Variants in TTLL2 observed in about 807,000 individuals in gnomAD.
TTLL2 encodes the protein probable tubulin polyglutamylase TTLL2.
A neutral mutation model predicts 7.5 loss-of-function variants in TTLL2; 10 were observed. That is an observed-to-expected ratio of 1.33 (90% CI 0.82 to 2.25). The LOEUF (loss-of-function observed/expected upper bound fraction) is 2.25, where lower values mean the gene tolerates loss of function less well. Ranked by LOEUF, TTLL2 falls within the 30% of genes most tolerant of loss-of-function variation. The probability of loss-of-function intolerance (pLI) is 0.00; values close to 1 mark genes in which losing one functional copy is unlikely to be tolerated. For synonymous variants in TTLL2, 284 were observed against 280.3 expected, an observed-to-expected ratio of 1.01 and a Z score of -0.13; for missense variants, 733 against 735.7, an observed-to-expected ratio of 1.00 and a Z score of 0.04.
chr6:167,329,004 C>A (rs147242937), intron 1 of TTLL2, among the ~76,000 whole-genome samples: 25 of 152,194 alleles, frequency 1.6e-4, no homozygotes, highest in African/African-American at 5.5e-4. Context: ...TCTGACTGCA[C>A]TCTCCTAGGA....
At chr6:167,336,200 G>C (rs1298832852) in intron 1 of TTLL2, among the ~76,000 whole-genome samples, 1 of 151,960 alleles carries the variant, frequency 6.6e-6, no homozygotes, top group East Asian at 1.9e-4. Flanking sequence ...GGTTCTGCTT[G>C]TAATTTTATG....
intron 1 of TTLL2, among the ~76,000 whole-genome samples, chr6:167,332,169 T>C (rs2115213598): frequency 1.3e-5 from 2 of 152,164 alleles, no homozygotes; most frequent in South Asian, 2.1e-4. Context: ...TGAGAATTCA[T>C]GGAGAGAAAA....
intron 1 of TTLL2, among the ~76,000 whole-genome samples, chr6:167,325,987 G>T (rs2115205587): frequency 6.6e-6 from 1 of 152,292 alleles, no homozygotes; most frequent in East Asian, 1.9e-4. Context: ...GTGCCTGCCG[G>T]CCTGTAGCCT....
At position 167,341,431 on chromosome 6, in the gene TTLL2, T is replaced by A. The variant is rs1056229529; in HGVS notation, c.1531T>A (p.Leu511Ile). 8 of 1,613,954 alleles carry A rather than the reference T, an allele frequency of 5.0e-6. No individual in the cohort carries two copies. The East Asian group carries it at 1.8e-4, about 36-fold the overall frequency. ...GGAGATGCCACAAAGCAAGCCCAAGTTACGGAGCAGGCACACGCCTCACAA... is the reference window on the plus strand; with the variant it reads ...GGAGATGCCACAAAGCAAGCCCAAGATACGGAGCAGGCACACGCCTCACAA... The part of the protein sequence containing the change: ...TREMPQSKPK[L>I]RSRHTPHKTL... The change falls in exon 3 of 3, where the codon TTA becomes ATA. Residue 511 changes from leucine to isoleucine, a missense_variant. Physicochemically the swap from Leu to Ile is conservative, Grantham distance 5. Transcript: ENST00000239587.
chr6:167,342,116 T>C lies in TTLL2; in HGVS notation c.*437T>C, dbSNP rs1779105979. Among the ~76,000 whole-genome samples, 1 of 152,244 alleles carries C rather than the reference T, an allele frequency of 6.6e-6. No individual in the cohort carries two copies. The highest frequency in any genetic ancestry group is 2.1e-4 in the South Asian group (1 of 4,832). Reference sequence around the variant, plus strand: ...AACCAGTTATTTGTTAAAATTATTTTGTTAACTTAAGATCAGACAATCATT... The same window carrying C: ...AACCAGTTATTTGTTAAAATTATTTCGTTAACTTAAGATCAGACAATCATT... On this transcript the variant is annotated 3_prime_UTR_variant, in exon 3 of 3. Transcript: ENST00000239587.
At chr6:167,338,832 C>CTTCT (rs771488642) in intron 2 of TTLL2, 29 bp downstream of exon 2, 1 of 1,350,366 alleles carries the variant, frequency 7.4e-7, no homozygotes, top group South Asian at 1.5e-5. Flanking sequence ...TAGTTCCTTC[C>CTTCT]TTCCTTCCTT....
chr6:167,329,351 C>A (rs1238526049), intron 1 of TTLL2, among the ~76,000 whole-genome samples: 3 of 152,100 alleles, frequency 2.0e-5, no homozygotes, highest in Non-Finnish European at 4.4e-5. Context: ...TCACTGAGGC[C>A]CTGAAAACCC....
intron 2 of TTLL2, among the ~76,000 whole-genome samples, 176 bp from the exon 3 acceptor site, chr6:167,339,929 A>G (rs532197465): frequency 6.6e-6 from 1 of 152,284 alleles, no homozygotes; most frequent in South Asian, 2.1e-4. Context: ...TTATTCTAAT[A>G]AAGGGAGCAG....
At position 167,340,868 on chromosome 6, in the gene TTLL2, C is replaced by A. The variant is rs200878719; in HGVS notation, c.968C>A (p.Thr323Lys). 7.4e-6 allele frequency: 12 copies of A among 1,614,012 alleles called. No homozygotes were observed. In the African/African-American group the frequency reaches 1.5e-4, roughly 20 times the overall value. The change falls in exon 3 of 3, where the codon ACG becomes AAG. Residue 323 changes from threonine (T) to lysine (K), a missense_variant. Transcript: ENST00000239587. ...GTGATTGGTCATGGTTGTAAATGGA[C>A]GCTCAGCAGATTTTTTTCCTACCTT... ...KEVIGHGCKW[T>K]LSRFFSYLRS...
rs1685550499 is a variant in TTLL2, at chr6:167,341,415, A to G, written c.1515A>G (p.Pro505=). 3 of 1,614,022 alleles carry G rather than the reference A, an allele frequency of 1.9e-6. No homozygotes were observed. Among genetic ancestry groups the G allele is most frequent in the Non-Finnish European group, 2.5e-6 (3 of 1,180,022 alleles). ...QDFHLSTREM[P]QSKPKLRSRH... ...TTCATCTGTCAACAAGGGAGATGCCACAAAGCAAGCCCAAGTTACGGAGCA... is the reference window on the plus strand; with the variant it reads ...TTCATCTGTCAACAAGGGAGATGCCGCAAAGCAAGCCCAAGTTACGGAGCA... The change falls in exon 3 of 3, where the codon CCA becomes CCG. Residue 505 remains proline, a synonymous_variant. Transcript: ENST00000239587.
Position 167,340,540 on chromosome 6 carries a change from G to A in TTLL2, c.640G>A (p.Ala214Thr), listed in dbSNP as rs201955866. Residue 214 changes from alanine (A) to threonine (T), a missense_variant, in exon 3 of 3, where the codon GCT becomes ACT. Physicochemically the swap from Ala to Thr is moderately conservative, Grantham distance 58. Coordinates refer to ENST00000239587, the MANE Select transcript of TTLL2 (RefSeq NM_031949.5). ...GCATAGCTATTGGATTTGCAAGCCT[G>A]CTGAGTTATCTCGTGGGAGGGGGAT... ...TKHSYWICKP[A>T]ELSRGRGILI... 6.2e-7 allele frequency: 1 copy of A among 1,614,192 alleles called. No homozygotes were observed. The highest frequency in any genetic ancestry group is 1.1e-5 in the South Asian group (1 of 91,076).
chr6:167,338,836 C>CTTCCTTCT (rs1779029776), intron 2 of TTLL2, 33 bp downstream of exon 2: 1 of 1,378,520 alleles, frequency 7.3e-7, no homozygotes, highest in Admixed American at 2.5e-5. Flanking sequence ...TCCTTCCTTC[C>CTTCCTTCT]TTCCTTCCTT....
chr6:167,329,345 T>C (rs1021553413), intron 1 of TTLL2, among the ~76,000 whole-genome samples: 5 of 152,162 alleles, frequency 3.3e-5, no homozygotes, highest in African/African-American at 1.2e-4. Context: ...AAACCCTCAC[T>C]GAGGCCCTGA....
rs1429228878 is a variant in TTLL2 at position 167,342,232 on chromosome 6, T to C, written c.*553T>C. Among the ~76,000 whole-genome samples, 1 of 152,204 alleles carries C rather than the reference T, an allele frequency of 6.6e-6. No individual in the cohort carries two copies. Among genetic ancestry groups the C allele is most frequent in the Non-Finnish European group, 1.5e-5 (1 of 68,034 alleles). ...AGACTTTGCACCAAAGAGCTCCCTG[T>C]GGGGGCATCTTTGGGCTGTATTTAA... On this transcript the variant is annotated 3_prime_UTR_variant, in exon 3 of 3. Coordinates refer to ENST00000239587, the MANE Select transcript of TTLL2 (RefSeq NM_031949.5).
In TTLL2 at chr6:167,340,942, A is replaced by G. The variant is rs766071636; in HGVS notation, c.1042A>G (p.Met348Val). 1.9e-6 allele frequency: 3 copies of G among 1,613,988 alleles called. No homozygotes were observed. Among genetic ancestry groups the G allele is most frequent in the South Asian group, 2.2e-5 (2 of 91,074 alleles). The change falls in exon 3 of 3, where the codon ATG (methionine) becomes GTG (valine). Residue 348 changes from methionine (M) to valine (V), a missense_variant. By Grantham distance (21) the Met-to-Val change is conservative (BLOSUM62 1). Transcript: ENST00000239587. ...DLLLWKKIHR[M>V]VILTILAIAP... ...GCTTTTGTGGAAGAAAATCCACCGC[A>G]TGGTTATTCTCACCATTCTCGCCAT...
At chr6:167,336,012 A>C (rs918957009) in intron 1 of TTLL2, among the ~76,000 whole-genome samples, 7 of 152,138 alleles carry the variant, frequency 4.6e-5, no homozygotes, top group Non-Finnish European at 7.3e-5. Context: ...AATTCAATTT[A>C]ATAGAGTAGA....
chr6:167,338,244 CACACAACTCATACAACAT>C (rs1286680221), intron 1 of TTLL2, among the ~76,000 whole-genome samples: 12 of 151,922 alleles, frequency 7.9e-5, no homozygotes, highest in Non-Finnish European at 1.5e-4. Flanking sequence ...ACAAGCAACA[CACACAACTCATACAACAT>C]ACACAACACA....
rs1049902140 is a variant in TTLL2 at position 167,339,637 on chromosome 6, C to G, written c.205-468C>G. ...AGGTGCCTGGCCTTCTTAAATTTCT[C>G]AGGCCAAAAGAACTCTTACTAATTT... On this transcript the variant is annotated intron_variant, in intron 2 of 2. Transcript: ENST00000239587. Among the ~76,000 whole-genome samples, 8 of 152,272 alleles carry G rather than the reference C, an allele frequency of 5.3e-5. No individual in the cohort carries two copies. The East Asian group carries it at 1.5e-3, about 29-fold the overall frequency.
At position 167,338,844 on chromosome 6, in the gene TTLL2, C is replaced by CTTCCTTCA. The variant is rs1779030414; in HGVS notation, c.204+48_204+49insATTCCTTC. On this transcript the variant is annotated intron_variant, in intron 2 of 2. Coordinates refer to ENST00000239587, the MANE Select transcript of TTLL2 (RefSeq NM_031949.5). ...AGGTAGTTCCTTCCTTCCTTCCTTC[C>CTTCCTTCA]TTCCTTCCTTCCTTCCTTCCTTCTT... 5 of 1,432,736 alleles carry CTTCCTTCA rather than the reference C, an allele frequency of 3.5e-6. No individual in the cohort carries two copies. The East Asian group carries it at 7.7e-5, about 22-fold the overall frequency. The allele number at this position is 1,432,736 out of a possible 1,614,324, so 88.8% of individuals were successfully genotyped here.
Sources: gnomAD v4.1 joint callset for allele counts (sites outside exome capture counted in the v4.1 genomes callset) on GRCh38, gnomAD v4.1.1 for gene constraint, MANE v1.5 for transcripts, NCBI Gene and HGNC (gene_info 2026-07-23, HGNC 2026-07-21) for gene names.